The following ARHGAP19 variants were observed in gnomAD, a reference collection of about 807,000 sequenced individuals.
ARHGAP19 encodes rho GTPase-activating protein 19.
ARHGAP19 carries 48 observed loss-of-function variants against 60.9 expected under a neutral mutation model. That is an observed-to-expected ratio of 0.79 (90% CI 0.62 to 1.00). The LOEUF is 1.00. Among genes scored for constraint, ARHGAP19 ranks in the 50% least tolerant of loss-of-function variants. The pLI, the probability that ARHGAP19 is intolerant of heterozygous loss-of-function variation, is 0.00. For missense variants in ARHGAP19, 562 were observed against 597.2 expected (o/e 0.94, Z 0.61); for synonymous variants, 209 against 215.5 (o/e 0.97, Z 0.27).
At chr10:97,291,500 G>C (rs1291822595) in intron 1 of ARHGAP19, among the ~76,000 whole-genome samples, 1 of 152,002 alleles carries the variant, frequency 6.6e-6, no homozygotes, top group Non-Finnish European at 1.5e-5. Flanking sequence ...CATCATGTTC[G>C]CCAGGCTGGT....
intron 8 of ARHGAP19, among the ~76,000 whole-genome samples, chr10:97,239,216 C>G (rs768194844): frequency 4.6e-5 from 7 of 152,054 alleles, no homozygotes; most frequent in Admixed American, 6.5e-5. Flanking sequence ...GGGAGTGGGC[C>G]GGGAGCGGTG....
intron 4 of ARHGAP19, among the ~76,000 whole-genome samples, chr10:97,261,569 A>C (rs1392278023): frequency 6.6e-6 from 1 of 152,174 alleles, no homozygotes; most frequent in Non-Finnish European, 1.5e-5. Flanking sequence ...CCCCAAAATA[A>C]CTGTAAAATT....
intron 8 of ARHGAP19, among the ~76,000 whole-genome samples, chr10:97,240,137 A>G (rs1368359837): frequency 6.6e-6 from 1 of 151,992 alleles, no homozygotes; most frequent in South Asian, 2.1e-4. Context: ...GAAAAAAAAA[A>G]GAAGAAAGGG....
intron 4 of ARHGAP19, 92 bp from the exon 5 acceptor site, chr10:97,259,720 AAAG>A: frequency 2.3e-6 from 2 of 879,540 alleles, no homozygotes; most frequent in Non-Finnish European, 3.7e-6. Flanking sequence ...AACTCCCATC[AAAG>A]AAAGAGGGAA....
rs1208829272 is a variant in ARHGAP19 at position 97,224,025 on chromosome 10, AC to A, written c.*2096del. The A allele has an allele frequency of 6.6e-6, 1 of 152,238 alleles. No homozygotes were observed. Among genetic ancestry groups the A allele is most frequent in the African/African-American group, 2.4e-5 (1 of 41,462 alleles). The allele number at this position is 152,238 out of a possible 1,614,324, so 9.4% of individuals were successfully genotyped here. ...TCTCTCTCATGATCCTCACCCCAGA[AC>A]ACAACCTTTGCTTATGATTCCATTC... On this transcript the variant is annotated 3_prime_UTR_variant, in exon 12 of 12. Coordinates refer to ENST00000358531, the MANE Select transcript of ARHGAP19 (RefSeq NM_032900.6).
intron 1 of ARHGAP19, among the ~76,000 whole-genome samples, chr10:97,266,602 T>C (rs369775364): frequency 2.9e-4 from 44 of 152,288 alleles, no homozygotes; most frequent in Middle Eastern, 6.8e-3. Context: ...TCCATTTTCA[T>C]ACTGCTGTGA....
intron 5 of ARHGAP19, chr10:97,258,854 C>T (rs1175595752): frequency 6.6e-6 from 1 of 152,104 alleles, no homozygotes; most frequent in Non-Finnish European, 1.5e-5. Context: ...GTTTATTTCT[C>T]TTGTAAGTCA....
At chr10:97,241,852 A>G (rs1299776583) in intron 8 of ARHGAP19, among the ~76,000 whole-genome samples, 7 of 151,826 alleles carry the variant, frequency 4.6e-5, no homozygotes, top group Non-Finnish European at 1.0e-4. Context: ...TACTAAAAAT[A>G]CAAAAAAATT....
intron 4 of ARHGAP19, among the ~76,000 whole-genome samples, chr10:97,262,618 T>C (rs891778821): frequency 1.3e-5 from 2 of 152,166 alleles, no homozygotes; most frequent in East Asian, 1.9e-4. Flanking sequence ...TGAGCCGAGA[T>C]TGCACCATTG....
At chr10:97,246,711 A>T (rs1353872123) in intron 6 of ARHGAP19, among the ~76,000 whole-genome samples, 1 of 152,218 alleles carries the variant, frequency 6.6e-6, no homozygotes, top group Admixed American at 6.5e-5. Flanking sequence ...CACATTTTAA[A>T]ATCACAGTGT....
chr10:97,235,705 T>C (rs528301093), intron 8 of ARHGAP19, among the ~76,000 whole-genome samples: 12 of 152,284 alleles, frequency 7.9e-5, no homozygotes, highest in East Asian at 1.9e-4. Flanking sequence ...ATAAATTGCA[T>C]ACAGAATTTT....
chr10:97,289,905 T>G (rs80118573), intron 1 of ARHGAP19, among the ~76,000 whole-genome samples: 6,791 of 149,596 alleles, frequency 0.045, 217 homozygotes, highest in Non-Finnish European at 0.063. Flanking sequence ...GAAAAGAAAA[T>G]AAATTCAAAC....
chr10:97,242,335 T>TTC (rs1212896325), intron 8 of ARHGAP19, among the ~76,000 whole-genome samples: 1 of 140,016 alleles, frequency 7.1e-6, no homozygotes, highest in Non-Finnish European at 1.6e-5. Flanking sequence ...TTTTTTTTTT[T>TTC]TTTTTTTTTT....
chr10:97,290,158 A>C (rs955876924), intron 1 of ARHGAP19, among the ~76,000 whole-genome samples: 7 of 152,132 alleles, frequency 4.6e-5, no homozygotes, highest in Non-Finnish European at 5.9e-5. Context: ...CACTCTATTA[A>C]ATCTTGCAAC....
intron 7 of ARHGAP19, among the ~76,000 whole-genome samples, chr10:97,245,884 T>C (rs186319542): frequency 1.5e-3 from 233 of 152,276 alleles, no homozygotes; most frequent in Admixed American, 2.2e-3. Flanking sequence ...GAGGACACCA[T>C]CTATCAGTGG....
At chr10:97,274,161 T>G (rs1402136166) in intron 1 of ARHGAP19, among the ~76,000 whole-genome samples, 1 of 152,010 alleles carries the variant, frequency 6.6e-6, no homozygotes, top group Non-Finnish European at 1.5e-5. Flanking sequence ...TTAAGAGGCA[T>G]GAAGGTATGA....
intron 1 of ARHGAP19, among the ~76,000 whole-genome samples, chr10:97,288,578 TAAA>T (rs923536030): frequency 8.7e-6 from 1 of 114,336 alleles, no homozygotes; most frequent in Non-Finnish European, 1.8e-5. Flanking sequence ...AGACTCCATC[TAAA>T]AAAAAAAAAG....
chr10:97,242,227 A>G (rs964554832), intron 8 of ARHGAP19, among the ~76,000 whole-genome samples: 2 of 150,738 alleles, frequency 1.3e-5, no homozygotes, highest in East Asian at 1.9e-4. Flanking sequence ...ACTGGCAGGA[A>G]GAGTGATTTG....
At chr10:97,242,113 GT>G (rs1048377096) in intron 8 of ARHGAP19, among the ~76,000 whole-genome samples, 1 of 150,306 alleles carries the variant, frequency 6.7e-6, no homozygotes, top group African/African-American at 2.4e-5. Flanking sequence ...AGACTGTCAT[GT>G]TTAGTGAAAA....
Sources: gnomAD v4.1 joint callset for allele counts (sites outside exome capture counted in the v4.1 genomes callset) on GRCh38, gnomAD v4.1.1 for gene constraint, MANE v1.5 for transcripts, NCBI Gene and HGNC (gene_info 2026-07-23, HGNC 2026-07-21) for gene names.